The following GHR variants were observed in gnomAD, a reference collection of about 807,000 sequenced individuals.
GHR encodes the protein GH receptor.
Under a neutral mutation model 67.1 loss-of-function variants are expected in GHR, and 35 were observed. The observed-to-expected ratio is 0.52, with a 90% CI of 0.40 to 0.69. The LOEUF (loss-of-function observed/expected upper bound fraction) is 0.69, where lower values mean the gene tolerates loss of function less well. GHR is among the 30% of genes least tolerant of loss of function. The pLI is 0.00. For missense variants in GHR, 792 were observed against 764.6 expected, an observed-to-expected ratio of 1.04 and a Z score of -0.42; for synonymous variants, 272 against 269.1, an observed-to-expected ratio of 1.01 and a Z score of -0.10.
At chr5:42,434,880 G>A (rs1437773558) in intron 1 of GHR, among the ~76,000 whole-genome samples, 1 of 152,176 alleles carries the variant, frequency 6.6e-6, no homozygotes, top group African/African-American at 2.4e-5. Flanking sequence ...GAAAGGGCAT[G>A]GAGTAGGCTT....
At chr5:42,627,777 C>T (rs1481801657) in intron 2 of GHR, among the ~76,000 whole-genome samples, 1 of 152,228 alleles carries the variant, frequency 6.6e-6, no homozygotes, top group Non-Finnish European at 1.5e-5. Flanking sequence ...GTTCTTTCAG[C>T]TTTGCAGTCC....
chr5:42,700,536 A>T (rs2111744251), intron 6 of GHR, among the ~76,000 whole-genome samples: 1 of 152,340 alleles, frequency 6.6e-6, no homozygotes, highest in South Asian at 2.1e-4. Context: ...ATTAGAGAGC[A>T]TGGTACCAGT....
At chr5:42,609,710 G>A (rs996277905) in intron 2 of GHR, among the ~76,000 whole-genome samples, 4 of 152,140 alleles carry the variant, frequency 2.6e-5, no homozygotes, top group African/African-American at 9.7e-5. Flanking sequence ...GGGAGAACAC[G>A]AAATTAGGAA....
chr5:42,502,623 A>G (rs2112235644), intron 1 of GHR, among the ~76,000 whole-genome samples: 1 of 151,890 alleles, frequency 6.6e-6, no homozygotes, highest in East Asian at 1.9e-4. Context: ...TCATACCCTC[A>G]TGAAGCACTG....
At chr5:42,648,435 G>A (rs74333656) in intron 3 of GHR, among the ~76,000 whole-genome samples, 3,960 of 152,238 alleles carry the variant, frequency 0.026, 186 homozygotes, top group African/African-American at 0.091. Flanking sequence ...GGTGTGTGAG[G>A]TCATGAGTGG....
chr5:42,716,290 C>A (rs1758719340), intron 8 of GHR, among the ~76,000 whole-genome samples: 2 of 152,084 alleles, frequency 1.3e-5, no homozygotes, highest in African/African-American at 4.8e-5. Flanking sequence ...ATGATTTGAA[C>A]ATGTTGCTTA....
intron 3 of GHR, among the ~76,000 whole-genome samples, chr5:42,686,962 T>C (rs1025155990): frequency 6.6e-6 from 1 of 152,194 alleles, no homozygotes; most frequent in Non-Finnish European, 1.5e-5. Flanking sequence ...CTTAAGCTGA[T>C]AAGCAACTTC....
At chr5:42,543,063 CT>C (rs1748585885) in intron 1 of GHR, among the ~76,000 whole-genome samples, 1 of 152,080 alleles carries the variant, frequency 6.6e-6, no homozygotes, top group Admixed American at 6.6e-5. Context: ...GTTTCTACAT[CT>C]TTGCAATTGT....
chr5:42,473,913 C>T (rs1174938163), intron 1 of GHR, among the ~76,000 whole-genome samples: 1 of 150,372 alleles, frequency 6.7e-6, no homozygotes, highest in Non-Finnish European at 1.5e-5. Context: ...TCTAGCCAGG[C>T]GTGGTGGTTC....
At chr5:42,706,944 G>A (rs566569571) in intron 6 of GHR, among the ~76,000 whole-genome samples, 1 of 152,208 alleles carries the variant, frequency 6.6e-6, no homozygotes, top group East Asian at 1.9e-4. Context: ...TAATTTGATA[G>A]GCATTGCATT....
chr5:42,693,265 C>T (rs1001426963), intron 4 of GHR, among the ~76,000 whole-genome samples: 1 of 151,986 alleles, frequency 6.6e-6, no homozygotes, highest in African/African-American at 2.4e-5. Context: ...AGCCTACCTA[C>T]CGAATAGCTG....
At chr5:42,557,552 G>T (rs1020664156) in intron 1 of GHR, among the ~76,000 whole-genome samples, 1 of 152,086 alleles carries the variant, frequency 6.6e-6, no homozygotes, top group Non-Finnish European at 1.5e-5. Flanking sequence ...ATCTAATCCT[G>T]ATTTTTTTAT....
At chr5:42,502,827 A>T (rs1415719073) in intron 1 of GHR, among the ~76,000 whole-genome samples, 3 of 148,154 alleles carry the variant, frequency 2.0e-5, no homozygotes, top group African/African-American at 7.3e-5. Context: ...ATTAATTATA[A>T]TTATATTTAT....
At chr5:42,545,134 A>G (rs539736857) in intron 1 of GHR, among the ~76,000 whole-genome samples, 1 of 152,252 alleles carries the variant, frequency 6.6e-6, no homozygotes, top group Admixed American at 6.5e-5. Context: ...ACTCCCTAGC[A>G]ACTTGCCCAA....
At chr5:42,501,216 G>A (rs1001683531) in intron 1 of GHR, among the ~76,000 whole-genome samples, 1 of 152,160 alleles carries the variant, frequency 6.6e-6, no homozygotes, top group African/African-American at 2.4e-5. Flanking sequence ...ACTAAATCCA[G>A]TAGTATTGCT....
chr5:42,444,447 C>G (rs989974784), intron 1 of GHR, among the ~76,000 whole-genome samples: 1 of 152,178 alleles, frequency 6.6e-6, no homozygotes, highest in African/African-American at 2.4e-5. Flanking sequence ...ACTCACATAC[C>G]TGGGTTGGGG....
rs1180903488 is a variant in GHR, at chr5:42,719,673, G to A, written c.*249G>A. 4 of 487,674 alleles carry A rather than the reference G, an allele frequency of 8.2e-6. No individual in the cohort carries two copies. Among genetic ancestry groups the A allele is most frequent in the East Asian group, 4.0e-5 (1 of 25,190 alleles). 30.2% of individuals were successfully genotyped at this position (487,674 alleles called of 1,614,324 possible). A position where few individuals can be genotyped will look rare whatever the true frequency, so the allele number is the denominator to read the frequency against. On this transcript the variant is annotated 3_prime_UTR_variant, in exon 10 of 10. Coordinates refer to ENST00000230882, the MANE Select transcript of GHR (RefSeq NM_000163.5). ...AATTGTGTCAGACTGTTTAGTAGCA[G>A]TGATTGTCTTAATATTGTGGGTGTT...
Position 42,718,443 on chromosome 5 carries a change from T to C in GHR, c.946-10T>C. On this transcript the variant is annotated splice_polypyrimidine_tract_variant and intron_variant, in intron 9 of 9. Coordinates refer to ENST00000230882, the MANE Select transcript of GHR (RefSeq NM_000163.5). ...TTTTCATAGATCTTCATTTTCTTTC[T>C]ATTTTCTAGGAAGGAAAATTAGAGG... The C allele has an allele frequency of 6.3e-7, 1 of 1,592,124 alleles. No homozygotes were observed. Among genetic ancestry groups the C allele is most frequent in the Non-Finnish European group, 8.6e-7 (1 of 1,160,762 alleles).
intron 1 of GHR, among the ~76,000 whole-genome samples, chr5:42,529,911 G>A (rs142415768): frequency 6.7e-6 from 1 of 149,966 alleles, no homozygotes; most frequent in African/African-American, 2.5e-5. Flanking sequence ...TAAGTTAAAT[G>A]TAGAATTAGC....
Sources: allele counts gnomAD v4.1 joint callset (sites outside exome capture counted in the v4.1 genomes callset), GRCh38; gene constraint gnomAD v4.1.1; transcripts MANE v1.5; gene names NCBI Gene and HGNC (gene_info 2026-07-23, HGNC 2026-07-21).